Variants in FCRL6 observed in about 807,000 individuals in gnomAD.
FCRL6 encodes the protein Fc receptor-like protein 6.
A neutral mutation model predicts 49.1 loss-of-function variants in FCRL6; 50 were observed. The ratio of observed to expected loss-of-function variants is 1.02; its 90% CI spans 0.81 to 1.29. The LOEUF (loss-of-function observed/expected upper bound fraction) is 1.29. FCRL6 is among the 50% of genes most tolerant of loss of function. The pLI, the probability that FCRL6 is intolerant of heterozygous loss-of-function variation, is 0.00. For missense variants in FCRL6, 571 were observed against 518.5 expected (o/e 1.10, Z -0.98); for synonymous variants, 213 against 199.6 (o/e 1.07, Z -0.57).
At chr1:159,808,824 C>G (rs1053489936) in intron 3 of FCRL6, 137 bp from the exon 4 acceptor site, 2 of 824,968 alleles carry the variant, frequency 2.4e-6, no homozygotes, top group Admixed American at 5.8e-5. Context: ...GGTAAGAGGA[C>G]GGGTCCTAGG....
chr1:159,810,219 C>A lies in FCRL6; in HGVS notation c.1009+3C>A. 1.2e-6 allele frequency: 2 copies of A among 1,610,994 alleles called. No individual in the cohort carries two copies. The highest frequency in any genetic ancestry group is 2.2e-5 in the South Asian group (2 of 90,582). ...TGTGAGATCCTGGAGAAAAGCTGGT[C>A]AGTAACTCCTCTTGGCTTTCTTAGC... On this transcript the variant is annotated splice_donor_region_variant and intron_variant, in intron 6 of 9. Coordinates refer to ENST00000368106, the MANE Select transcript of FCRL6 (RefSeq NM_001004310.3).
rs149948473 is a variant in FCRL6 at position 159,814,287 on chromosome 1, G to C, written c.1142G>C (p.Ser381Thr). 1.2e-6 allele frequency: 2 copies of C among 1,613,974 alleles called. No homozygotes were observed. ...YSVVHRTSKR[S>T]EARSAEFTVG... ...GTGGTGCATAGAACCTCAAAGAGGA[G>C]TGAAGGTGAGTGATCTCAGGCCAAA... Residue 381 changes from serine (S) to threonine (T), a missense_variant, in exon 8 of 10, where the codon AGT (serine) becomes ACT (threonine). Physicochemically the swap from Ser to Thr is moderately conservative, Grantham distance 58. Coordinates refer to ENST00000368106, the MANE Select transcript of FCRL6 (RefSeq NM_001004310.3).
At chr1:159,801,397 A>G (rs1662325806), upstream of FCRL6, among the ~76,000 whole-genome samples, 1 of 152,184 alleles carries the variant, frequency 6.6e-6, no homozygotes, top group South Asian at 2.1e-4. Context: ...TAGTTTCTTC[A>G]CATCCTCACC....
rs376198717 is a variant in FCRL6, at chr1:159,810,203, C to T, written c.996C>T (p.Ser332=). The T allele has an allele frequency of 3.7e-6, 6 of 1,612,556 alleles. No individual in the cohort carries two copies. The African/African-American group carries it at 8.0e-5, about 22-fold the overall frequency. The change falls in exon 6 of 10, where the codon TCC becomes TCT. Residue 332 remains serine (S), a synonymous_variant. Transcript: ENST00000368106. ...CTGCACTTCTGGTTTATGTGAGATC[C>T]TGGAGAAAAGCTGGTCAGTAACTCC... ...IAAALLVYVR[S]WRKAGPLPSQ...
rs751455099 is a variant in FCRL6 at position 159,810,217 on chromosome 1, G to A, written c.1009+1G>A. On this transcript the variant is annotated splice_donor_variant, in intron 6 of 9. Coordinates refer to ENST00000368106, the MANE Select transcript of FCRL6 (RefSeq NM_001004310.3). LOFTEE classifies it high-confidence loss of function. Reference sequence around the variant, plus strand: ...TATGTGAGATCCTGGAGAAAAGCTGGTCAGTAACTCCTCTTGGCTTTCTTA... The same window carrying A: ...TATGTGAGATCCTGGAGAAAAGCTGATCAGTAACTCCTCTTGGCTTTCTTA... The A allele has an allele frequency of 8.7e-6, 14 of 1,611,178 alleles. No individual in the cohort carries two copies. In the East Asian group the frequency reaches 2.7e-4, roughly 31 times the overall value.
rs539698569 is a variant in FCRL6, at chr1:159,815,460, G to A, written c.1179+1G>A. 17 of 1,613,908 alleles carry A rather than the reference G, an allele frequency of 1.1e-5. No homozygotes were observed. The highest frequency in any genetic ancestry group is 1.4e-5 in the Non-Finnish European group (17 of 1,179,920). On this transcript the variant is annotated splice_donor_variant, in intron 9 of 9. Transcript: ENST00000368106. LOFTEE classifies it high-confidence loss of function. ...TGCTGAGTTCACCGTGGGGAGAAAGGTGAGCTGGGATCCCTGCTCCTTTCT... is the reference window on the plus strand; with the variant it reads ...TGCTGAGTTCACCGTGGGGAGAAAGATGAGCTGGGATCCCTGCTCCTTTCT...
At chr1:159,802,601 T>C in intron 1 of FCRL6, 146 bp downstream of exon 1, 1 of 710,974 alleles carries the variant, frequency 1.4e-6, no homozygotes, top group Non-Finnish European at 2.5e-6. Context: ...TGGGCATGCT[T>C]GGGAGAGATG....
Position 159,816,146 on chromosome 1 carries a change from G to A in FCRL6, c.*485G>A. On this transcript the variant is annotated 3_prime_UTR_variant, in exon 10 of 10. Coordinates refer to ENST00000368106, the MANE Select transcript of FCRL6 (RefSeq NM_001004310.3). ...TTTCTCACGCGTTTGTGGTGATGCT[G>A]GTACAAACAAGCTACAGCGCCGCTA... The A allele has an allele frequency of 5.8e-6, 1 of 172,684 alleles. No homozygotes were observed. The highest frequency in any genetic ancestry group is 5.4e-5 in the Admixed American group (1 of 18,432). 10.7% of individuals were successfully genotyped at this position (172,684 alleles called of 1,614,324 possible).
chr1:159,809,174 A>G lies in FCRL6; in HGVS notation c.533A>G (p.Tyr178Cys). ...PGAKEGDSGL[Y>C]WCEVAPEGGQ... ...GCCAAGGAGGGAGACTCTGGGCTTT[A>G]CTGGTGTGAGGTGGCCCCTGAGGGT... The change falls in exon 4 of 10, where the codon TAC (tyrosine) becomes TGC (cysteine). Residue 178 changes from tyrosine to cysteine, a missense_variant. Tyr to Cys is a radical substitution (Grantham distance 194). Coordinates refer to ENST00000368106, the MANE Select transcript of FCRL6 (RefSeq NM_001004310.3). 1 of 1,612,586 alleles carries G rather than the reference A, an allele frequency of 6.2e-7. No homozygotes were observed. Among genetic ancestry groups the G allele is most frequent in the Non-Finnish European group, 8.5e-7 (1 of 1,179,290 alleles).
intron 1 of FCRL6, among the ~76,000 whole-genome samples, chr1:159,805,647 A>G (rs1662629064): frequency 6.6e-6 from 1 of 152,208 alleles, no homozygotes; most frequent in Non-Finnish European, 1.5e-5. Context: ...ACATTCACTC[A>G]TTTAAAAACA....
chr1:159,809,054 C>T lies in FCRL6; in HGVS notation c.413C>T (p.Pro138Leu), dbSNP rs756692036. 1 of 1,614,110 alleles carries T rather than the reference C, an allele frequency of 6.2e-7. No homozygotes were observed. The highest frequency in any genetic ancestry group is 1.1e-5 in the South Asian group (1 of 91,084). Reference protein sequence around the residue: ...VTLRCQTKLHPLRSALRLLFS... With the variant: ...VTLRCQTKLHLLRSALRLLFS... ...CTGAGATGTCAGACAAAGCTGCACC[C>T]CCTGAGGTCAGCCTTGAGGCTCCTT... Residue 138 changes from proline (P) to leucine (L), a missense_variant, in exon 4 of 10, where the codon CCC becomes CTC. Physicochemically the swap from Pro to Leu is moderately conservative, Grantham distance 98. Transcript: ENST00000368106.
rs144231867 is a variant in FCRL6, at chr1:159,805,869, C to T, written c.32-727C>T. On this transcript the variant is annotated intron_variant, in intron 1 of 9. Transcript: ENST00000368106. The stretch of plus-strand genomic sequence containing the variant: ...CCACAAGAATCAGGTCCTGCCCTTG[C>T]TATATGGGTTCTCCTGTAGATGTTG... Among the ~76,000 whole-genome samples the T allele has an allele frequency of 3.3e-5, 5 of 152,320 alleles. No homozygotes were observed. The East Asian group carries it at 9.6e-4, about 29-fold the overall frequency.
rs756466724 is a variant in FCRL6 at position 159,815,463 on chromosome 1, AGCTGGGATCCCT to A, written c.1179+8_1179+19del. 3 of 1,614,002 alleles carry A rather than the reference AGCTGGGATCCCT, an allele frequency of 1.9e-6. No homozygotes were observed. The African/African-American group carries it at 4.0e-5, about 22-fold the overall frequency. ...TGAGTTCACCGTGGGGAGAAAGGTG[AGCTGGGATCCCT>A]GCTCCTTTCTCACCCTCTCTCTTAC... On this transcript the variant is annotated splice_donor_5th_base_variant and intron_variant, in intron 9 of 9. Coordinates refer to ENST00000368106, the MANE Select transcript of FCRL6 (RefSeq NM_001004310.3).
At chr1:159,810,505 T>C (rs1014637136) in intron 6 of FCRL6, among the ~76,000 whole-genome samples, 2 of 151,944 alleles carry the variant, frequency 1.3e-5, no homozygotes, top group Non-Finnish European at 2.9e-5. Context: ...AAGGAATTAT[T>C]ACAAGCCAAA....
chr1:159,812,055 T>A (rs1003999727), intron 6 of FCRL6, among the ~76,000 whole-genome samples: 2 of 152,182 alleles, frequency 1.3e-5, no homozygotes, highest in South Asian at 4.1e-4. Context: ...CAAAAGAGCA[T>A]CCTCTTGATG....
chr1:159,806,761 A>C (rs1662716966), intron 2 of FCRL6, 145 bp downstream of exon 2: 1 of 842,278 alleles, frequency 1.2e-6, no homozygotes, highest in Admixed American at 1.9e-5. Flanking sequence ...AGTCTTGGCC[A>C]GTTCCTAGGA....
In FCRL6 at chr1:159,815,496, C is replaced by T. The variant is rs780291601; in HGVS notation, c.1179+37C>T. ...TCCCTGCTCCTTTCTCACCCTCTCT[C>T]TTACATTTGCTTCCTCATCCTGAGC... is the stretch of plus-strand genomic sequence containing the variant. On this transcript the variant is annotated intron_variant, in intron 9 of 9. Coordinates refer to ENST00000368106, the MANE Select transcript of FCRL6 (RefSeq NM_001004310.3). 12 of 1,614,134 alleles carry T rather than the reference C, an allele frequency of 7.4e-6. No homozygotes were observed. In the South Asian group the frequency reaches 1.3e-4, roughly 18 times the overall value.
chr1:159,803,261 C>A (rs921149493), intron 1 of FCRL6, among the ~76,000 whole-genome samples: 1 of 152,204 alleles, frequency 6.6e-6, no homozygotes, highest in East Asian at 1.9e-4. Context: ...AGTGTCACCC[C>A]CCTTATACCT....
chr1:159,814,391 C>G (rs552354788), intron 8 of FCRL6, 99 bp downstream of exon 8: 2 of 820,154 alleles, frequency 2.4e-6, no homozygotes, highest in Non-Finnish European at 4.1e-6. Flanking sequence ...TTTATCATTA[C>G]TGTGACCACC....
Sources: gnomAD v4.1 joint callset for allele counts (sites outside exome capture counted in the v4.1 genomes callset) on GRCh38, gnomAD v4.1.1 for gene constraint, MANE v1.5 for transcripts, NCBI Gene and HGNC (gene_info 2026-07-23, HGNC 2026-07-21) for gene names.